The following TMPRSS6 variants were observed in gnomAD, a reference collection of about 807,000 sequenced individuals.
TMPRSS6 encodes transmembrane protease serine 6.
TMPRSS6 carries 67 observed loss-of-function variants against 101.5 expected under a neutral mutation model. The observed-to-expected ratio is 0.66, with a 90% CI of 0.54 to 0.81. The LOEUF is 0.81. Ranked by LOEUF, TMPRSS6 falls within the 30% of genes least tolerant of loss-of-function variation. The probability of loss-of-function intolerance (pLI) is 0.00; values close to 1 mark genes in which losing one functional copy is unlikely to be tolerated. For synonymous variants in TMPRSS6, 453 were observed against 464.9 expected (o/e 0.97, Z 0.33); for missense variants, 1,034 against 1,088.7 (o/e 0.95, Z 0.71).
intron 3 of TMPRSS6, among the ~76,000 whole-genome samples, chr22:37,096,927 A>G (rs1450417247): frequency 6.6e-6 from 1 of 151,814 alleles, no homozygotes; most frequent in Non-Finnish European, 1.5e-5. Context: ...TGTTTCCACT[A>G]CACCCGACTC....
rs936000301 is a variant in TMPRSS6 at position 37,069,522 on chromosome 22, C to T, written c.1842-178G>A. On this transcript the variant is annotated intron_variant, in intron 15 of 17. Transcript: ENST00000676104. The surrounding 1 kb of genome is among the most constrained non-coding windows in gnomAD (Gnocchi z 4.8). ...TGGTGGTACAGCGTTCAGCCTTCAC[C>T]CACTCGGCCTGCCTGGGTTCCACGC... 6.6e-6 allele frequency among the ~76,000 whole-genome samples: 1 copy of T among 152,184 alleles called. No homozygotes were observed. The highest frequency in any genetic ancestry group is 1.5e-5 in the Non-Finnish European group (1 of 68,032).
rs546574834 is a variant in TMPRSS6 at position 37,074,611 on chromosome 22, G to A, written c.1440C>T (p.Cys480=). The A allele has an allele frequency of 9.2e-4, 1,492 of 1,613,972 alleles. 13 individuals carry two copies. In the South Asian group the frequency reaches 0.016, roughly 17 times the overall value. ...GGGATGCGCGGGCGGGTTACTCACCGCAGTTTCTCTCATCCAGGCCGTTGG... is the reference window on the plus strand; with the variant it reads ...GGGATGCGCGGGCGGGTTACTCACCACAGTTTCTCTCATCCAGGCCGTTGG... ...DCPNGLDERN[C]VCRATFQCKE... The change falls in exon 12 of 18, where the codon TGC becomes TGT. Residue 480 remains cysteine, a splice_region_variant and synonymous_variant. Transcript: ENST00000676104.
intron 11 of TMPRSS6, 146 bp downstream of exon 11, chr22:37,074,989 G>T (rs1927488845): frequency 7.1e-7 from 1 of 1,408,456 alleles, no homozygotes; most frequent in Non-Finnish European, 9.9e-7. Context: ...GCATAAATTT[G>T]TGCAAGCACA....
chr22:37,088,728 C>A (rs145529969), intron 7 of TMPRSS6, among the ~76,000 whole-genome samples: 172 of 152,322 alleles, frequency 1.1e-3, no homozygotes, highest in African/African-American at 4.0e-3. Context: ...ATATCAAAGT[C>A]CAAATGGCTC....
chr22:37,097,602 G>A (rs1929874086), intron 3 of TMPRSS6, among the ~76,000 whole-genome samples: 1 of 152,266 alleles, frequency 6.6e-6, no homozygotes, highest in Non-Finnish European at 1.5e-5. Context: ...GAGAGTGGCA[G>A]GCAGTAGACC....
In TMPRSS6 at chr22:37,089,629, C is replaced by T. The variant is rs776180387; in HGVS notation, c.785G>A (p.Arg262Gln). The T allele has an allele frequency of 1.6e-5, 26 of 1,610,864 alleles. No individual in the cohort carries two copies. The highest frequency in any genetic ancestry group is 9.4e-5 in the African/African-American group (7 of 74,720). Reference sequence around the variant, plus strand: ...CCCGGCCACGTCATACATGGCCAGTCGGTCCCGGCACTCTGCCAGCGTCCA... The same window carrying T: ...CCCGGCCACGTCATACATGGCCAGTTGGTCCCGGCACTCTGCCAGCGTCCA... ...LEWTLAECRD[R>Q]LAMYDVAGPL... The change falls in exon 7 of 18, where the codon CGA becomes CAA. Residue 262 changes from arginine to glutamine, a missense_variant. By Grantham distance (43) the Arg-to-Gln change is conservative. Coordinates refer to ENST00000676104, the MANE Select transcript of TMPRSS6 (RefSeq NM_001374504.1).
At chr22:37,092,929 T>G (rs148897536) in intron 6 of TMPRSS6, among the ~76,000 whole-genome samples, 15 of 152,302 alleles carry the variant, frequency 9.8e-5, no homozygotes, top group African/African-American at 3.4e-4. Context: ...GAACGAACAA[T>G]TCCCTCTCTC....
intron 17 of TMPRSS6, 62 bp downstream of exon 17, chr22:37,066,764 C>T: frequency 1.2e-6 from 2 of 1,610,810 alleles, no homozygotes; most frequent in Admixed American, 3.3e-5. Flanking sequence ...AGGGCCAGAC[C>T]CTGGTGATGT....
Position 37,101,969 on chromosome 22 carries a change from A to G in TMPRSS6, c.202+1247T>C, listed in dbSNP as rs1239330395. On this transcript the variant is annotated intron_variant, in intron 2 of 17. Transcript: ENST00000676104. The surrounding 1 kb of genome is among the most constrained non-coding windows in gnomAD (Gnocchi z 4.1). ...GCTCAACTCTGGGTAGAATCACTAT[A>G]AGTCATTGCAAGCAGGCCCGTGTCA... Among the ~76,000 whole-genome samples, 4 of 152,100 alleles carry G rather than the reference A, an allele frequency of 2.6e-5. No homozygotes were observed. The East Asian group carries it at 7.7e-4, about 29-fold the overall frequency.
chr22:37,084,883 A>G (rs1284188174), intron 8 of TMPRSS6, 44 bp from the exon 9 acceptor site: 1 of 1,478,140 alleles, frequency 6.8e-7, no homozygotes, highest in Non-Finnish European at 9.2e-7. Context: ...CCCTGGCTGC[A>G]CCTCCCAGCA....
At chr22:37,096,836 G>T in intron 3 of TMPRSS6, 121 bp from the exon 4 acceptor site, 1 of 980,826 alleles carries the variant, frequency 1.0e-6, no homozygotes, top group Non-Finnish European at 1.6e-6. Flanking sequence ...TCTCCAAGGT[G>T]GACAGGCTTG....
At chr22:37,078,116 G>T (rs138008747) in intron 10 of TMPRSS6, among the ~76,000 whole-genome samples, 2,792 of 152,354 alleles carry the variant, frequency 0.018, 30 homozygotes, top group Non-Finnish European at 0.027. Context: ...GGGAGCCAGG[G>T]GTTGGGAAGG....
rs1228804142 is a variant in TMPRSS6, at chr22:37,096,686, C to T, written c.366G>A (p.Leu122=). 3.2e-6 allele frequency: 5 copies of T among 1,566,946 alleles called. No individual in the cohort carries two copies. The highest frequency in any genetic ancestry group is 4.3e-6 in the Non-Finnish European group (5 of 1,154,826). ...MLKELITSTR[L]GTYYNSSSVY... is the part of the protein sequence containing the mutation. ...CGGAGCTGGAGTTGTAGTAAGTTCC[C>T]AGGCGGGTGCTGGTGATGAGCTCCT... Residue 122 remains leucine (L), a synonymous_variant, in exon 4 of 18, where the codon CTG becomes CTA. Coordinates refer to ENST00000676104, the MANE Select transcript of TMPRSS6 (RefSeq NM_001374504.1).
chr22:37,081,767 GA>G (rs1928291840), intron 10 of TMPRSS6, among the ~76,000 whole-genome samples: 1 of 152,226 alleles, frequency 6.6e-6, no homozygotes, highest in South Asian at 2.1e-4. Flanking sequence ...ACAGGGACAA[GA>G]GGCCAAGTCC....
At chr22:37,095,428 G>T (rs1929656491) in intron 6 of TMPRSS6, 123 bp downstream of exon 6, 1 of 1,226,704 alleles carries the variant, frequency 8.2e-7, no homozygotes, top group African/African-American at 1.5e-5. Flanking sequence ...CATCCCCTGG[G>T]TGACTCTTGG....
intron 6 of TMPRSS6, among the ~76,000 whole-genome samples, chr22:37,092,575 C>T (rs1380369124): frequency 3.9e-5 from 6 of 152,106 alleles, no homozygotes; most frequent in African/African-American, 1.2e-4. Context: ...TGGCTCACTG[C>T]AACCTCCACC....
chr22:37,098,283 G>T, intron 3 of TMPRSS6, 133 bp downstream of exon 3: 1 of 1,344,898 alleles, frequency 7.4e-7, no homozygotes, highest in Admixed American at 1.7e-5. Flanking sequence ...CTGCTTCCAT[G>T]GTGCCTGGAG....
rs375234781 is a variant in TMPRSS6, at chr22:37,089,790, G to A, written c.632-8C>T. 592 of 1,609,844 alleles carry A rather than the reference G, an allele frequency of 3.7e-4. No homozygotes were observed. The highest frequency in any genetic ancestry group is 4.8e-4 in the Non-Finnish European group (569 of 1,178,960). Reference sequence around the variant, plus strand: ...AGCTGTAGCGGTAACAACCTGGAGCGGGGAGAGGGGCACAGCCCCTGATTC... The same window carrying A: ...AGCTGTAGCGGTAACAACCTGGAGCAGGGAGAGGGGCACAGCCCCTGATTC... On this transcript the variant is annotated splice_polypyrimidine_tract_variant and splice_region_variant and intron_variant, in intron 6 of 17. Coordinates refer to ENST00000676104, the MANE Select transcript of TMPRSS6 (RefSeq NM_001374504.1).
At chr22:37,104,113 G>C (rs1930562307) in intron 1 of TMPRSS6, among the ~76,000 whole-genome samples, 1 of 152,122 alleles carries the variant, frequency 6.6e-6, no homozygotes, top group African/African-American at 2.4e-5. Context: ...TCTTCCTCCA[G>C]CCCACACCAC....
Sources: allele counts gnomAD v4.1 joint callset (sites outside exome capture counted in the v4.1 genomes callset), GRCh38; gene constraint gnomAD v4.1.1; non-coding constraint Gnocchi (gnomAD v3.1); transcripts MANE v1.5; gene names NCBI Gene and HGNC (gene_info 2026-07-23, HGNC 2026-07-21).